The following LAMTOR5 variants were observed in gnomAD, a reference collection of about 807,000 sequenced individuals.
LAMTOR5 encodes the protein late endosomal/lysosomal adaptor, MAPK and MTOR activator 5, also known as ragulator complex protein LAMTOR5.
Under a neutral mutation model 12.1 loss-of-function variants are expected in LAMTOR5, and 8 were observed. That is an observed-to-expected ratio of 0.66 (90% CI 0.39 to 1.19). LAMTOR5 has a LOEUF of 1.19. LAMTOR5 is among the 50% of genes most tolerant of loss of function. The pLI is 0.01. For synonymous variants in LAMTOR5, 37 were observed against 41.9 expected (o/e 0.88, Z 0.45); for missense variants, 110 against 112.8 (o/e 0.97, Z 0.11).
chr1:110,406,271 T>A, intron 2 of LAMTOR5, 47 bp downstream of exon 2: 1 of 1,303,622 alleles, frequency 7.7e-7, no homozygotes, highest in Non-Finnish European at 1.1e-6. Context: ...CAAGTCAACA[T>A]CAGATGCTAT....
intron 1 of LAMTOR5, chr1:110,407,017 G>T (rs1362684792): frequency 7.2e-6 from 5 of 692,710 alleles, no homozygotes; most frequent in African/African-American, 1.8e-5. Context: ...AACAACTGTT[G>T]AAAAACTCAA....
intron 1 of LAMTOR5, chr1:110,407,301 G>A (rs1482849270): frequency 1.7e-6 from 1 of 588,084 alleles, no homozygotes; most frequent in Admixed American, 3.0e-5. Flanking sequence ...GAACCACCCT[G>A]ACCGTAAAGA....
chr1:110,407,144 A>T, intron 1 of LAMTOR5: 2 of 615,966 alleles, frequency 3.2e-6, no homozygotes. Flanking sequence ...TGTTCGAAAA[A>T]TTTAAAGAAT....
intron 3 of LAMTOR5, among the ~76,000 whole-genome samples, 166 bp from the exon 4 acceptor site, chr1:110,401,749 T>G (rs1333770733): frequency 6.6e-6 from 1 of 152,220 alleles, no homozygotes; most frequent in East Asian, 1.9e-4. Flanking sequence ...TACATAAACA[T>G]ATAGCATGTG....
chr1:110,407,112 T>C, intron 1 of LAMTOR5: 1 of 656,748 alleles, frequency 1.5e-6, no homozygotes, highest in Admixed American at 2.5e-5. Flanking sequence ...TTTCCAGTTT[T>C]GAATTTTACA....
chr1:110,404,481 T>C (rs147231409), intron 2 of LAMTOR5, among the ~76,000 whole-genome samples: 440 of 152,344 alleles, frequency 2.9e-3, no homozygotes, highest in African/African-American at 9.5e-3. Context: ...TCCAAAAATT[T>C]ACCCTTTTTC....
chr1:110,403,590 G>C (rs1305549227), intron 3 of LAMTOR5: 1 of 211,140 alleles, frequency 4.7e-6, no homozygotes, highest in African/African-American at 2.4e-5. Context: ...CTCCAGCCTG[G>C]TGCCAGAGCA....
rs1364039217 is a variant in LAMTOR5, at chr1:110,407,624, A to C, written c.-4T>G. 3.7e-6 allele frequency: 6 copies of C among 1,613,440 alleles called. No homozygotes were observed. The highest frequency in any genetic ancestry group is 1.7e-5 in the Admixed American group (1 of 59,970). ...GCTGCTCCAAGGTCGCCTCCATCCC[A>C]CCCACCGACCACTCCGGCTCAGAAC... On this transcript the variant is annotated 5_prime_UTR_variant, in exon 1 of 4. Transcript: ENST00000602318.
chr1:110,402,102 T>C (rs1663241740), intron 3 of LAMTOR5, among the ~76,000 whole-genome samples: 1 of 152,180 alleles, frequency 6.6e-6, no homozygotes, highest in Non-Finnish European at 1.5e-5. Context: ...CAGCATCACA[T>C]AGCACAACAC....
At chr1:110,401,620 T>C (rs1391048678) in intron 3 of LAMTOR5, 37 bp from the exon 4 acceptor site, 2 of 1,578,568 alleles carry the variant, frequency 1.3e-6, no homozygotes, top group South Asian at 1.1e-5. Flanking sequence ...TAAAACGTAA[T>C]CAGTGGGACT....
upstream of LAMTOR5, chr1:110,407,784 A>G (rs200978250): frequency 2.5e-6 from 4 of 1,613,962 alleles, no homozygotes; most frequent in East Asian, 8.9e-5. Context: ...GGAAAACATC[A>G]CTGCGCTTCC....
chr1:110,404,025 G>T lies in LAMTOR5; in HGVS notation c.109C>A (p.Leu37Met), dbSNP rs1228185255. The T allele has an allele frequency of 3.7e-6, 6 of 1,613,856 alleles. No individual in the cohort carries two copies. The East Asian group carries it at 1.3e-4, about 36-fold the overall frequency. Residue 37 changes from leucine to methionine, a missense_variant, in exon 3 of 4, where the codon CTG becomes ATG. By Grantham distance (15) the Leu-to-Met change is conservative. Transcript: ENST00000602318. ...ATCACTCCAGCATGCTCATCTGACA[G>T]GGTCCCGCGGCCTGGAAAATAGAGA... ...QGLNLGCRGT[L>M]SDEHAGVISV...
chr1:110,407,786 T>G, upstream of LAMTOR5: 1 of 1,614,104 alleles, frequency 6.2e-7, no homozygotes, highest in Non-Finnish European at 8.5e-7. Context: ...AAAACATCAC[T>G]GCGCTTCCGT....
Position 110,407,627 on chromosome 1 carries a change from C to T in LAMTOR5, c.-7G>A. On this transcript the variant is annotated 5_prime_UTR_variant, in exon 1 of 4. Transcript: ENST00000602318. ...GCTCCAAGGTCGCCTCCATCCCACC[C>T]ACCGACCACTCCGGCTCAGAACCCA... 1.2e-6 allele frequency: 2 copies of T among 1,614,232 alleles called. No individual in the cohort carries two copies. The highest frequency in any genetic ancestry group is 1.7e-6 in the Non-Finnish European group (2 of 1,180,042).
At position 110,401,298 on chromosome 1, in the gene LAMTOR5, A is replaced by C; in HGVS notation, c.*225T>G. On this transcript the variant is annotated 3_prime_UTR_variant, in exon 4 of 4. Transcript: ENST00000602318. The stretch of plus-strand genomic sequence containing the variant: ...TTGAATACAGCAAAATTCTATATAC[A>C]AAGTGACCTGGACCTGCTGCTTCAA... 2.6e-6 allele frequency: 1 copy of C among 387,782 alleles called. No individual in the cohort carries two copies. The highest frequency in any genetic ancestry group is 4.6e-6 in the Non-Finnish European group (1 of 216,886). 24.0% of individuals were successfully genotyped at this position (387,782 alleles called of 1,614,324 possible). A position where few individuals can be genotyped will look rare whatever the true frequency, so the allele number is the denominator to read the frequency against.
In LAMTOR5 at chr1:110,407,662, C is replaced by A. The variant is rs751837851; in HGVS notation, c.-42G>T. On this transcript the variant is annotated 5_prime_UTR_variant, in exon 1 of 4. Coordinates refer to ENST00000602318, the MANE Select transcript of LAMTOR5 (RefSeq NM_001382293.1). ...TCCGGCTCAGAACCCAGCGGCACGG[C>A]ACGTCCTTCTCCACCACAGGCCTCA... 19 of 1,614,228 alleles carry A rather than the reference C, an allele frequency of 1.2e-5. No individual in the cohort carries two copies. Among genetic ancestry groups the A allele is most frequent in the African/African-American group, 2.7e-5 (2 of 75,064 alleles).
Position 110,407,653 on chromosome 1 carries a change from G to C in LAMTOR5, c.-33C>G. ...ACCGACCACTCCGGCTCAGAACCCA[G>C]CGGCACGGCACGTCCTTCTCCACCA... On this transcript the variant is annotated 5_prime_UTR_variant, in exon 1 of 4. Transcript: ENST00000602318. 1 of 1,614,202 alleles carries C rather than the reference G, an allele frequency of 6.2e-7. No homozygotes were observed. Among genetic ancestry groups the C allele is most frequent in the East Asian group, 2.2e-5 (1 of 44,880 alleles).
At chr1:110,407,531 C>T (rs771626034) in intron 1 of LAMTOR5, 55 bp downstream of exon 1, 42 of 1,585,052 alleles carry the variant, frequency 2.6e-5, no homozygotes, top group Middle Eastern at 4.0e-4. Context: ...TTTCGTTCCG[C>T]TCAAGTTCCT....
upstream of LAMTOR5, chr1:110,407,710 T>C (rs567980828): frequency 1.9e-6 from 3 of 1,614,060 alleles, no homozygotes; most frequent in South Asian, 3.3e-5. Flanking sequence ...GAGCGGGGCG[T>C]GGACCGTAAC....
Sources: gnomAD v4.1 joint callset for allele counts (sites outside exome capture counted in the v4.1 genomes callset) on GRCh38, gnomAD v4.1.1 for gene constraint, MANE v1.5 for transcripts, NCBI Gene and HGNC (gene_info 2026-07-23, HGNC 2026-07-21) for gene names.